PLEKHA7: variants seen among roughly 807,000 people sequenced by gnomAD.
The protein encoded by PLEKHA7 is pleckstrin homology domain-containing family A member 7.
PLEKHA7 carries 104 observed loss-of-function variants against 170.0 expected under a neutral mutation model. The ratio of observed to expected loss-of-function variants is 0.61; its 90% CI spans 0.52 to 0.72. The LOEUF is 0.72. Among genes scored for constraint, PLEKHA7 ranks in the 30% least tolerant of loss-of-function variants. The pLI is 0.00. For synonymous variants in PLEKHA7, 648 were observed against 660.8 expected (o/e 0.98, Z 0.30); for missense variants, 1,615 against 1,671.7 (o/e 0.97, Z 0.59).
rs1849217674 is a variant in PLEKHA7 at position 16,783,770 on chromosome 11, G to A, written c.3580C>T (p.Pro1194Ser). Residue 1194 changes from proline (P) to serine (S), a missense_variant, in exon 25 of 27, where the codon CCC (proline) becomes TCC (serine). Transcript: ENST00000531066. ...RYVELDPEEP[P>S]SLEELQARYR... ...CGCGCCTGCAGCTCCTCAAGGCTGG[G>A]TGGCTCTTCGGGATCTAGCTCCACG... 2 of 1,516,024 alleles carry A rather than the reference G, an allele frequency of 1.3e-6. No homozygotes were observed. Among genetic ancestry groups the A allele is most frequent in the Non-Finnish European group, 1.8e-6 (2 of 1,137,352 alleles). The allele number at this position is 1,516,024 out of a possible 1,614,324, so 93.9% of individuals were successfully genotyped here.
intron 3 of PLEKHA7, among the ~76,000 whole-genome samples, chr11:16,948,356 ATACAT>A (rs1861181659): frequency 6.6e-6 from 1 of 152,244 alleles, no homozygotes; most frequent in Non-Finnish European, 1.5e-5. Context: ...GAGATATTAT[ATACAT>A]TAAATAATAT....
chr11:16,788,692 T>C (rs1849571186), intron 23 of PLEKHA7: 1 of 268,032 alleles, frequency 3.7e-6, no homozygotes, highest in Non-Finnish European at 7.3e-6. Flanking sequence ...CAGCATCTGC[T>C]GGCAGGTCTG....
intron 3 of PLEKHA7, among the ~76,000 whole-genome samples, chr11:16,980,567 G>T (rs1039691899): frequency 6.6e-6 from 1 of 152,222 alleles, no homozygotes; most frequent in Non-Finnish European, 1.5e-5. Context: ...AGAAGAACAT[G>T]CTGTTCTTTG....
At chr11:16,961,361 G>A (rs779697944) in intron 3 of PLEKHA7, among the ~76,000 whole-genome samples, 15 of 152,202 alleles carry the variant, frequency 9.9e-5, no homozygotes, top group African/African-American at 2.4e-4. Context: ...TCAGCTCATC[G>A]GAGAGTAAGA....
At chr11:16,949,874 G>A (rs1458901844) in intron 3 of PLEKHA7, among the ~76,000 whole-genome samples, 1 of 152,058 alleles carries the variant, frequency 6.6e-6, no homozygotes, top group Non-Finnish European at 1.5e-5. Context: ...GAGGGGAGGG[G>A]AGAGACCAGA....
At chr11:16,821,006 C>A (rs1012465776) in intron 10 of PLEKHA7, among the ~76,000 whole-genome samples, 2 of 152,130 alleles carry the variant, frequency 1.3e-5, no homozygotes, top group African/African-American at 4.8e-5. Context: ...AACAGCAGAT[C>A]CATTTGCTGG....
chr11:16,785,443 C>T (rs957075800), intron 24 of PLEKHA7, among the ~76,000 whole-genome samples: 2 of 152,194 alleles, frequency 1.3e-5, no homozygotes, highest in African/African-American at 2.4e-5. Flanking sequence ...AGATGTACCA[C>T]GTACCCACTG....
chr11:16,947,120 A>G (rs1406518969), intron 3 of PLEKHA7, among the ~76,000 whole-genome samples: 4 of 152,188 alleles, frequency 2.6e-5, no homozygotes, highest in Non-Finnish European at 4.4e-5. Flanking sequence ...TTTCTCAGCT[A>G]CTGGGTTGTA....
intron 3 of PLEKHA7, among the ~76,000 whole-genome samples, chr11:17,007,250 T>C (rs1308716237): frequency 6.6e-6 from 1 of 152,224 alleles, no homozygotes; most frequent in Admixed American, 6.5e-5. Flanking sequence ...TTCTACAATA[T>C]AGAAATAACT....
intron 13 of PLEKHA7, among the ~76,000 whole-genome samples, chr11:16,804,085 C>A (rs1263288501): frequency 6.6e-6 from 1 of 152,172 alleles, no homozygotes; most frequent in African/African-American, 2.4e-5. Context: ...TCTTACTTAT[C>A]CCATTTTTCC....
At chr11:16,832,131 T>C (rs951115767) in intron 9 of PLEKHA7, among the ~76,000 whole-genome samples, 5 of 152,234 alleles carry the variant, frequency 3.3e-5, no homozygotes, top group African/African-American at 7.2e-5. Flanking sequence ...GCAAGTCATA[T>C]GCTAAAAAGC....
chr11:16,897,103 G>A (rs1374074905), intron 3 of PLEKHA7, among the ~76,000 whole-genome samples: 1 of 152,158 alleles, frequency 6.6e-6, no homozygotes, highest in Non-Finnish European at 1.5e-5. Context: ...CTCATGCAAT[G>A]CAATGACCTG....
At chr11:16,966,990 C>T (rs1353245595) in intron 3 of PLEKHA7, among the ~76,000 whole-genome samples, 1 of 152,170 alleles carries the variant, frequency 6.6e-6, no homozygotes, top group Non-Finnish European at 1.5e-5. Flanking sequence ...AATTACTTTT[C>T]AGGAACAAGG....
rs578164091 is a variant in PLEKHA7 at position 16,947,248 on chromosome 11, G to A, written c.221+66741C>T. 2.0e-5 allele frequency among the ~76,000 whole-genome samples: 3 copies of A among 152,282 alleles called. No individual in the cohort carries two copies. In the South Asian group the frequency reaches 6.2e-4, roughly 32 times the overall value. ...AACCTTGTACACTGTTGGTGGGAAT[G>A]TAAATTCGTACAGCCATTATTGAAA... On this transcript the variant is annotated intron_variant, in intron 3 of 26. Transcript: ENST00000531066.
chr11:16,924,159 A>G (rs1453867471), intron 3 of PLEKHA7, among the ~76,000 whole-genome samples: 1 of 152,006 alleles, frequency 6.6e-6, no homozygotes, highest in African/African-American at 2.4e-5. Flanking sequence ...TACAACTATC[A>G]GTCTTAGACC....
At chr11:16,782,981 T>C in intron 25 of PLEKHA7, 85 bp from the exon 26 acceptor site, 1 of 1,407,770 alleles carries the variant, frequency 7.1e-7, no homozygotes, top group Non-Finnish European at 9.5e-7. Context: ...GCCTAGAGGT[T>C]CTCAACATTT....
chr11:16,918,762 C>T (rs1858873793), intron 3 of PLEKHA7, among the ~76,000 whole-genome samples: 1 of 152,202 alleles, frequency 6.6e-6, no homozygotes, highest in Non-Finnish European at 1.5e-5. Context: ...CCAACCTGTA[C>T]TTCCACTTTT....
intron 13 of PLEKHA7, among the ~76,000 whole-genome samples, chr11:16,810,963 G>GGAGGTAAAATAACTTAATA (rs1229143629): frequency 4.6e-5 from 7 of 152,136 alleles, no homozygotes; most frequent in Admixed American, 3.3e-4. Flanking sequence ...GGGCCACTTT[G>GGAGGTAAAATAACTTAATA]GAGGTAAAAT....
At chr11:16,949,535 C>T (rs536269927) in intron 3 of PLEKHA7, among the ~76,000 whole-genome samples, 8 of 152,302 alleles carry the variant, frequency 5.3e-5, no homozygotes, top group African/African-American at 1.4e-4. Context: ...GAATCTGATG[C>T]AGATGGCCTG....
Sources: allele counts gnomAD v4.1 joint callset (sites outside exome capture counted in the v4.1 genomes callset), GRCh38; gene constraint gnomAD v4.1.1; transcripts MANE v1.5; gene names NCBI Gene and HGNC (gene_info 2026-07-23, HGNC 2026-07-21).